PTPRG: variants seen among roughly 807,000 people sequenced by gnomAD.
PTPRG encodes the protein receptor-type tyrosine-protein phosphatase gamma.
PTPRG carries 102 observed loss-of-function variants against 165.3 expected under a neutral mutation model. That is an observed-to-expected ratio of 0.62 (90% CI 0.53 to 0.73). PTPRG has a LOEUF of 0.73. Among genes scored for constraint, PTPRG ranks in the 30% least tolerant of loss-of-function variants. The pLI is 0.00. For missense variants in PTPRG, 1,866 were observed against 1,861.4 expected (o/e 1.00, Z -0.05); for synonymous variants, 675 against 669.5 (o/e 1.01, Z -0.13).
In PTPRG at chr3:61,626,913, C is replaced by G. The variant is rs557203342; in HGVS notation, c.85+64541C>G. On this transcript the variant is annotated intron_variant, in intron 1 of 29. Transcript: ENST00000474889. ...ATACAGCCTGATGTAAAATGGGACA[C>G]CTGGATGCAATCAGCAAAACCCACA... is the stretch of plus-strand genomic sequence containing the variant. Among the ~76,000 whole-genome samples the G allele has an allele frequency of 3.3e-4, 50 of 152,234 alleles. No individual in the cohort carries two copies. The South Asian group carries it at 0.01, about 32-fold the overall frequency.
At chr3:62,041,083 A>C (rs1700112744) in intron 4 of PTPRG, among the ~76,000 whole-genome samples, 1 of 152,228 alleles carries the variant, frequency 6.6e-6, no homozygotes, top group South Asian at 2.1e-4. Context: ...AAATGTGGGT[A>C]GTAATACCTG....
At chr3:61,912,265 A>T (rs1011515434) in intron 2 of PTPRG, among the ~76,000 whole-genome samples, 1 of 152,282 alleles carries the variant, frequency 6.6e-6, no homozygotes, top group Admixed American at 6.5e-5. Context: ...CACTATTAAG[A>T]CCAAAACAGT....
chr3:61,568,599 A>C (rs918728225), intron 1 of PTPRG, among the ~76,000 whole-genome samples: 3 of 152,130 alleles, frequency 2.0e-5, no homozygotes, highest in African/African-American at 7.2e-5. Flanking sequence ...TGCAGCCCTT[A>C]ATACAACTGT....
chr3:61,634,164 C>T (rs1701840383), intron 1 of PTPRG, among the ~76,000 whole-genome samples: 1 of 151,686 alleles, frequency 6.6e-6, no homozygotes, highest in Admixed American at 6.6e-5. Context: ...GATCTGTGTG[C>T]CATATGATCT....
At chr3:62,110,119 G>A (rs1191440202) in intron 5 of PTPRG, among the ~76,000 whole-genome samples, 2 of 85,120 alleles carry the variant, frequency 2.3e-5, no homozygotes, top group African/African-American at 9.5e-5. Context: ...TTTTGCAGTA[G>A]CTTTTCCTGT....
At chr3:61,607,474 C>T (rs200294915) in intron 1 of PTPRG, among the ~76,000 whole-genome samples, 4,260 of 138,584 alleles carry the variant, frequency 0.031, 193 homozygotes, top group African/African-American at 0.1. Context: ...TCTGAGACTG[C>T]TCAGCCACAT....
intron 1 of PTPRG, among the ~76,000 whole-genome samples, chr3:61,645,871 C>T (rs1284373707): frequency 2.6e-5 from 4 of 152,198 alleles, no homozygotes; most frequent in Non-Finnish European, 4.4e-5. Context: ...ATCCTGGGAG[C>T]TGAGCTACCC....
chr3:62,143,124 C>T (rs1050978691), intron 6 of PTPRG, among the ~76,000 whole-genome samples: 4 of 152,176 alleles, frequency 2.6e-5, no homozygotes, highest in African/African-American at 9.7e-5. Flanking sequence ...GATTGAAGCT[C>T]ATCATATGGG....
intron 2 of PTPRG, among the ~76,000 whole-genome samples, chr3:61,825,382 G>A (rs1559633326): frequency 6.6e-6 from 1 of 152,180 alleles, no homozygotes; most frequent in African/African-American, 2.4e-5. Context: ...AGTGGTTGAG[G>A]TTGCTTCTGG....
intron 2 of PTPRG, among the ~76,000 whole-genome samples, chr3:61,864,198 T>G (rs1239841792): frequency 6.6e-6 from 1 of 152,164 alleles, no homozygotes; most frequent in Non-Finnish European, 1.5e-5. Context: ...TAATTCTCAA[T>G]AAATGTCACC....
intron 1 of PTPRG, among the ~76,000 whole-genome samples, chr3:61,623,938 A>G (rs1021254659): frequency 2.6e-5 from 4 of 152,204 alleles, no homozygotes; most frequent in Non-Finnish European, 4.4e-5. Context: ...TTATTCGGAA[A>G]TGCTGTTGTT....
intron 4 of PTPRG, among the ~76,000 whole-genome samples, chr3:62,037,313 G>A (rs1286866212): frequency 6.6e-6 from 1 of 152,136 alleles, no homozygotes; most frequent in Non-Finnish European, 1.5e-5. Flanking sequence ...GTCTCTTGAT[G>A]TCATACTTCC....
At chr3:61,597,558 G>A (rs764683652) in intron 1 of PTPRG, among the ~76,000 whole-genome samples, 2 of 152,196 alleles carry the variant, frequency 1.3e-5, no homozygotes, top group African/African-American at 2.4e-5. Flanking sequence ...GGGCATGTAA[G>A]TCCATTTGTT....
chr3:61,776,012 G>A (rs12491497), intron 2 of PTPRG, among the ~76,000 whole-genome samples: 28,724 of 149,828 alleles, frequency 0.19, 3,574 homozygotes, highest in East Asian at 0.27. Context: ...CACCAACATG[G>A]CACATGTATG....
intron 1 of PTPRG, among the ~76,000 whole-genome samples, chr3:61,676,217 G>A (rs1412679749): frequency 1.3e-5 from 2 of 151,820 alleles, no homozygotes; most frequent in East Asian, 1.9e-4. Context: ...CAGCACTTTG[G>A]GAGGCTGAGG....
rs770448137 is a variant in PTPRG, at chr3:61,562,307, C to A, written c.20C>A (p.Pro7Gln). 2 of 1,613,688 alleles carry A rather than the reference C, an allele frequency of 1.2e-6. No homozygotes were observed. Among genetic ancestry groups the A allele is most frequent in the Admixed American group, 3.3e-5 (2 of 60,020 alleles). ...TCGGACATGCGGAGGTTACTGGAAC[C>A]GTGTTGGTGGATTTTGTTCCTGAAA... Reference protein sequence around the residue: MRRLLEPCWWILFLKIT... With the variant: MRRLLEQCWWILFLKIT... Residue 7 changes from proline to glutamine, a missense_variant, in exon 1 of 30, where the codon CCG (proline) becomes CAG (glutamine). By Grantham distance (76) the Pro-to-Gln change is moderately conservative (BLOSUM62 -1). Around this residue, in one of 3 missense-constraint regions of PTPRG, gnomAD observed 408 missense variants for 376.2 expected, o/e 1.08. Coordinates refer to ENST00000474889, the MANE Select transcript of PTPRG (RefSeq NM_002841.4).
chr3:61,949,630 G>T (rs959095786), intron 2 of PTPRG, among the ~76,000 whole-genome samples: 1 of 152,168 alleles, frequency 6.6e-6, no homozygotes, highest in Non-Finnish European at 1.5e-5. Flanking sequence ...AAGTTTCCAT[G>T]ACTGTCAAAT....
intron 2 of PTPRG, among the ~76,000 whole-genome samples, chr3:61,780,042 G>A (rs1003080754): frequency 6.6e-6 from 1 of 152,178 alleles, no homozygotes. Context: ...TCCTGGGAAA[G>A]CCAGACTAAG....
chr3:62,130,222 G>C (rs564232707), intron 5 of PTPRG, among the ~76,000 whole-genome samples: 9 of 152,296 alleles, frequency 5.9e-5, no homozygotes, highest in African/African-American at 1.9e-4. Context: ...CTAGAAGAAC[G>C]TTAGCTAGGA....
Sources: gnomAD v4.1 joint callset for allele counts (sites outside exome capture counted in the v4.1 genomes callset) on GRCh38, gnomAD v4.1.1 for gene constraint, gnomAD v4.1.1 regional missense constraint, MANE v1.5 for transcripts, NCBI Gene and HGNC (gene_info 2026-07-23, HGNC 2026-07-21) for gene names.